Variants in TBC1D5 observed in about 807,000 individuals in gnomAD.
The protein encoded by TBC1D5 is TBC1 domain family member 5, also known as TBC1 domain family, member 5.
A neutral mutation model predicts 100.3 loss-of-function variants in TBC1D5; 75 were observed. That is an observed-to-expected ratio of 0.75 (90% CI 0.62 to 0.91). The LOEUF is 0.91. Among genes scored for constraint, TBC1D5 ranks in the 40% least tolerant of loss-of-function variants. The probability of loss-of-function intolerance (pLI) is 0.00; values close to 1 mark genes in which losing one functional copy is unlikely to be tolerated. For synonymous variants in TBC1D5, 323 were observed against 325.6 expected, an observed-to-expected ratio of 0.99 and a Z score of 0.09; for missense variants, 910 against 942.4, an observed-to-expected ratio of 0.97 and a Z score of 0.45.
chr3:17,206,352 C>G (rs2072182504), intron 18 of TBC1D5, among the ~76,000 whole-genome samples: 1 of 152,086 alleles, frequency 6.6e-6, no homozygotes, highest in Non-Finnish European at 1.5e-5. Context: ...TCACTCTAAG[C>G]ATCTTCATTA....
At chr3:17,597,168 T>C (rs1048808874) in intron 2 of TBC1D5, among the ~76,000 whole-genome samples, 1 of 152,184 alleles carries the variant, frequency 6.6e-6, no homozygotes, top group Non-Finnish European at 1.5e-5. Flanking sequence ...AGATACCCAC[T>C]CAAGTTTATT....
At chr3:17,519,986 G>T (rs926301273) in intron 2 of TBC1D5, among the ~76,000 whole-genome samples, 5 of 152,058 alleles carry the variant, frequency 3.3e-5, no homozygotes, top group African/African-American at 1.2e-4. Flanking sequence ...ATACTACTTG[G>T]TGAAAATTAC....
chr3:17,302,967 C>T (rs1380834216), intron 14 of TBC1D5, among the ~76,000 whole-genome samples: 3 of 152,172 alleles, frequency 2.0e-5, no homozygotes, highest in African/African-American at 7.2e-5. Flanking sequence ...AACTTGACAC[C>T]AGTGATTTAT....
intron 8 of TBC1D5, among the ~76,000 whole-genome samples, chr3:17,398,163 T>A (rs1159813417): frequency 6.6e-6 from 1 of 152,166 alleles, no homozygotes; most frequent in Non-Finnish European, 1.5e-5. Flanking sequence ...GAATAGACAA[T>A]TCAAGTTCTA....
At chr3:17,542,007 AC>A (rs2096362769) in intron 2 of TBC1D5, among the ~76,000 whole-genome samples, 1 of 152,188 alleles carries the variant, frequency 6.6e-6, no homozygotes, top group Non-Finnish European at 1.5e-5. Context: ...ATCAATTATG[AC>A]CAAGGGTGGT....
intron 15 of TBC1D5, among the ~76,000 whole-genome samples, chr3:17,277,446 T>G (rs1029286992): frequency 3.9e-5 from 6 of 152,216 alleles, no homozygotes; most frequent in Non-Finnish European, 8.8e-5. Context: ...GTAATTATTA[T>G]TATTATTGTT....
At chr3:17,728,310 A>G (rs890307566) in intron 1 of TBC1D5, among the ~76,000 whole-genome samples, 3 of 152,214 alleles carry the variant, frequency 2.0e-5, no homozygotes, top group Admixed American at 2.0e-4. Context: ...AAAAAGGCGT[A>G]AATATTAGAA....
At chr3:17,715,814 G>A (rs373446067) in intron 1 of TBC1D5, among the ~76,000 whole-genome samples, 7 of 151,924 alleles carry the variant, frequency 4.6e-5, no homozygotes, top group Non-Finnish European at 7.4e-5. Context: ...AAAAAAAAGG[G>A]GGGGGAGGCC....
At chr3:17,535,700 T>TA (rs953171138) in intron 2 of TBC1D5, among the ~76,000 whole-genome samples, 5 of 151,598 alleles carry the variant, frequency 3.3e-5, no homozygotes, top group East Asian at 1.9e-4. Flanking sequence ...TAAAATAAAA[T>TA]AAAAAAAAGT....
At position 17,228,412 on chromosome 3, in the gene TBC1D5, T is replaced by C. The variant is rs1242154011; in HGVS notation, c.1588+9751A>G. On this transcript the variant is annotated intron_variant, in intron 17 of 21. Transcript: ENST00000253692. Reference sequence around the variant, plus strand: ...CATAAACCATGTCTAGTGGAAGGCATAGAGATGGCTCCCAAATCTAGAGCA... The same window carrying C: ...CATAAACCATGTCTAGTGGAAGGCACAGAGATGGCTCCCAAATCTAGAGCA... 3.3e-5 allele frequency among the ~76,000 whole-genome samples: 5 copies of C among 152,194 alleles called. 1 individual carries two copies. The highest frequency in any genetic ancestry group is 2.1e-4 in the South Asian group (1 of 4,834).
intron 3 of TBC1D5, among the ~76,000 whole-genome samples, chr3:17,470,117 G>GA (rs947944191): frequency 6.6e-6 from 1 of 152,098 alleles, no homozygotes; most frequent in Non-Finnish European, 1.5e-5. Context: ...CCAAGTTCAA[G>GA]AAAAAACATG....
chr3:17,566,324 A>C (rs1367646255), intron 2 of TBC1D5, among the ~76,000 whole-genome samples: 1 of 151,990 alleles, frequency 6.6e-6, no homozygotes, highest in Non-Finnish European at 1.5e-5. Context: ...ATTTCTAAAA[A>C]CTGATAAGTA....
chr3:17,249,564 C>T (rs545696775), intron 16 of TBC1D5, among the ~76,000 whole-genome samples: 1 of 152,202 alleles, frequency 6.6e-6, no homozygotes, highest in African/African-American at 2.4e-5. Context: ...TGAGCTCTTG[C>T]TCTGAGTTCA....
In TBC1D5 at chr3:17,673,204, T is replaced by C. The variant is rs376105882; in HGVS notation, c.-100-49291A>G. ...TAAACCAATTTCGGTATGGCAGTTATCTCTGGGAAGGGAAAGACTTTAAAA... is the reference window on the plus strand; with the variant it reads ...TAAACCAATTTCGGTATGGCAGTTACCTCTGGGAAGGGAAAGACTTTAAAA... On this transcript the variant is annotated intron_variant, in intron 1 of 21. Transcript: ENST00000253692. Among the ~76,000 whole-genome samples the C allele has an allele frequency of 2.1e-4, 32 of 152,264 alleles. No individual in the cohort carries two copies. In the South Asian group the frequency reaches 5.4e-3, roughly 26 times the overall value.
intron 1 of TBC1D5, among the ~76,000 whole-genome samples, chr3:17,710,801 A>T (rs2074651655): frequency 6.6e-6 from 1 of 151,932 alleles, no homozygotes; most frequent in South Asian, 2.1e-4. Context: ...AGGTTCAAGC[A>T]ATTCTCCTGC....
chr3:17,598,662 T>C (rs992892524), intron 2 of TBC1D5, among the ~76,000 whole-genome samples: 2 of 152,196 alleles, frequency 1.3e-5, no homozygotes, highest in East Asian at 1.9e-4. Flanking sequence ...CAATGAAAAG[T>C]AGTCACTGTC....
In TBC1D5 at chr3:17,161,337, G is replaced by A. The variant is rs551060117; in HGVS notation, c.2095-81C>T. 8.2e-5 allele frequency: 121 copies of A among 1,470,856 alleles called. 2 individuals are homozygous for A. The South Asian group carries it at 1.6e-3, about 19-fold the overall frequency. The allele number at this position is 1,470,856 out of a possible 1,614,324, so 91.1% of individuals were successfully genotyped here. Reference sequence around the variant, plus strand: ...GAGTGGAAGGCCCTGTGAACTGGGGGACTCGTGGTGGAAAGCTAGGCCACC... The same window carrying A: ...GAGTGGAAGGCCCTGTGAACTGGGGAACTCGTGGTGGAAAGCTAGGCCACC... On this transcript the variant is annotated intron_variant, in intron 21 of 21. Coordinates refer to ENST00000253692, the Ensembl canonical transcript of TBC1D5.
intron 3 of TBC1D5, among the ~76,000 whole-genome samples, chr3:17,503,276 C>T (rs2095806397): frequency 6.7e-6 from 1 of 149,628 alleles, no homozygotes; most frequent in Admixed American, 6.6e-5. Context: ...AGCTACTCAT[C>T]CTTCAGGTTG....
intron 9 of TBC1D5, among the ~76,000 whole-genome samples, chr3:17,378,317 C>T (rs957979950): frequency 4.0e-5 from 6 of 150,976 alleles, no homozygotes; most frequent in African/African-American, 1.5e-4. Context: ...GGATGTATAC[C>T]ATTAAGCTGT....
Sources: gnomAD v4.1 joint callset for allele counts (sites outside exome capture counted in the v4.1 genomes callset) on GRCh38, gnomAD v4.1.1 for gene constraint, MANE v1.5 for transcripts, NCBI Gene and HGNC (gene_info 2026-07-23, HGNC 2026-07-21) for gene names.